ZNF227: variants seen among roughly 807,000 people sequenced by gnomAD.
The protein encoded by ZNF227 is zinc finger protein 227.
A neutral mutation model predicts 13.2 loss-of-function variants in ZNF227; 12 were observed. The ratio of observed to expected loss-of-function variants is 0.91; its 90% CI spans 0.58 to 1.47. ZNF227 has a LOEUF of 1.47. ZNF227 is among the 40% of genes most tolerant of loss of function. ZNF227 has a pLI of 0.00. For missense variants in ZNF227, 885 were observed against 967.5 expected (o/e 0.91, Z 1.13); for synonymous variants, 338 against 326.0 (o/e 1.04, Z -0.40).
chr19:44,236,094 AG>A lies in ZNF227; in HGVS notation c.1666del (p.Asp556ThrfsTer13). 6.2e-7 allele frequency: 1 copy of A among 1,614,138 alleles called. No homozygotes were observed. The highest frequency in any genetic ancestry group is 8.5e-7 in the Non-Finnish European group (1 of 1,180,006). ...EKPYRCDVCG[K>X]DFSYSSNLKL... ...CCATATAGATGTGATGTGTGTGGTA[AG>A]GACTTCAGTTATAGTTCAAATCTTA... is the stretch of plus-strand genomic sequence containing the variant. On this transcript the variant is annotated frameshift_variant, in exon 6 of 6. Coordinates refer to ENST00000313040, the MANE Select transcript of ZNF227 (RefSeq NM_182490.3). LOFTEE classifies it low-confidence loss of function (END_TRUNC).
In ZNF227 at chr19:44,228,484, C is replaced by T; in HGVS notation, c.99C>T (p.Ser33=). Residue 33 remains serine, a synonymous_variant, in exon 4 of 6, where the codon TCC becomes TCT. Transcript: ENST00000313040. ...TCAAGGATGTGGCTGTGGTCTTCTCCAGGGAGGAACTGCGACTGCTCGATC... is the reference window on the plus strand; with the variant it reads ...TCAAGGATGTGGCTGTGGTCTTCTCTAGGGAGGAACTGCGACTGCTCGATC... ...VTFKDVAVVF[S]REELRLLDLT... is the part of the protein sequence containing the mutation. The T allele has an allele frequency of 2.5e-6, 4 of 1,613,468 alleles. No individual in the cohort carries two copies. The highest frequency in any genetic ancestry group is 1.1e-5 in the South Asian group (1 of 91,018).
At chr19:44,230,951 A>ATATATATATATATATATATCTATCTATC (rs1244386357) in intron 5 of ZNF227, among the ~76,000 whole-genome samples, 1 of 132,728 alleles carries the variant, frequency 7.5e-6, no homozygotes, top group African/African-American at 3.2e-5. Context: ...ATATATATAT[A>ATATATATATATATATATATCTATCTATC]TATCTTAGCC....
At chr19:44,209,908 A>T (rs1173661406), upstream of ZNF227, among the ~76,000 whole-genome samples, 1 of 152,110 alleles carries the variant, frequency 6.6e-6, no homozygotes, top group Non-Finnish European at 1.5e-5. Context: ...TTTAGATCTG[A>T]TCTGTTTCTC....
chr19:44,226,368 C>A (rs1973161487), intron 3 of ZNF227, among the ~76,000 whole-genome samples: 2 of 152,230 alleles, frequency 1.3e-5, no homozygotes, highest in South Asian at 4.1e-4. Flanking sequence ...TTGTGCCCTG[C>A]CCCTAGAGGT....
intron 2 of ZNF227, 120 bp downstream of exon 2, chr19:44,213,364 G>A (rs1179584912): frequency 6.6e-6 from 1 of 152,222 alleles, no homozygotes; most frequent in Non-Finnish European, 1.5e-5. Context: ...AAATGTGAGA[G>A]TGGGTAGGAA....
rs567924068 is a variant in ZNF227, at chr19:44,224,799, G to C, written c.61-3647G>C. On this transcript the variant is annotated intron_variant, in intron 3 of 5. Transcript: ENST00000313040. ...GTTAATATTGTTATGTGTGAATTTT[G>C]TCCTGTCATTTTGATGTTAGCTGGT... Among the ~76,000 whole-genome samples, 79 of 152,208 alleles carry C rather than the reference G, an allele frequency of 5.2e-4. 1 individual carries two copies. Among genetic ancestry groups the C allele is most frequent in the African/African-American group, 1.7e-3 (72 of 41,538 alleles).
intron 3 of ZNF227, among the ~76,000 whole-genome samples, chr19:44,225,310 GGCCT>G (rs1973000355): frequency 6.6e-6 from 1 of 151,944 alleles, no homozygotes; most frequent in Non-Finnish European, 1.5e-5. Flanking sequence ...TCTGAATGTT[GGCCT>G]GCCTTGCTAG....
At chr19:44,219,529 C>T (rs999171011) in intron 3 of ZNF227, among the ~76,000 whole-genome samples, 2 of 151,986 alleles carry the variant, frequency 1.3e-5, no homozygotes, top group African/African-American at 4.8e-5. Flanking sequence ...AAAAACTTCA[C>T]TAATAATTTA....
chr19:44,230,730 T>C (rs188760022), intron 5 of ZNF227, among the ~76,000 whole-genome samples: 1 of 151,538 alleles, frequency 6.6e-6, no homozygotes, highest in East Asian at 1.9e-4. Context: ...TTTCTCTCCT[T>C]CTTTGCTTTC....
Position 44,235,957 on chromosome 19 carries a change from C to T in ZNF227, c.1527C>T (p.Val509=). Residue 509 remains valine, a synonymous_variant, in exon 6 of 6, where the codon GTC becomes GTT. Coordinates refer to ENST00000313040, the MANE Select transcript of ZNF227 (RefSeq NM_182490.3). ...TCAGTCAGGCTTCAAATCTTCAAGT[C>T]CATCAGAATGTCCACACTGGGGAGA... ...KGFSQASNLQ[V]HQNVHTGEKR... 2 of 1,613,564 alleles carry T rather than the reference C, an allele frequency of 1.2e-6. No homozygotes were observed. The highest frequency in any genetic ancestry group is 8.5e-7 in the Non-Finnish European group (1 of 1,179,920).
chr19:44,217,957 C>A, intron 3 of ZNF227, 105 bp downstream of exon 3: 1 of 1,315,252 alleles, frequency 7.6e-7, no homozygotes, highest in Non-Finnish European at 1.1e-6. Context: ...AACAGATATT[C>A]AGGACATGTG....
intron 2 of ZNF227, among the ~76,000 whole-genome samples, chr19:44,214,195 A>T (rs1173637139): frequency 6.6e-6 from 1 of 152,096 alleles, no homozygotes; most frequent in Non-Finnish European, 1.5e-5. Flanking sequence ...AAAATTATTT[A>T]TGTGTCTCAG....
At chr19:44,231,206 C>T (rs1300741577) in intron 5 of ZNF227, among the ~76,000 whole-genome samples, 1 of 151,824 alleles carries the variant, frequency 6.6e-6, no homozygotes, top group Non-Finnish European at 1.5e-5. Flanking sequence ...CCTCTGCCTC[C>T]CGGGTTCAAG....
intron 2 of ZNF227, among the ~76,000 whole-genome samples, chr19:44,214,637 C>T (rs969878667): frequency 6.6e-6 from 1 of 152,184 alleles, no homozygotes; most frequent in Non-Finnish European, 1.5e-5. Flanking sequence ...CTCGGCCTCC[C>T]AAAGTGCTGG....
At chr19:44,225,796 A>G (rs1973070423) in intron 3 of ZNF227, among the ~76,000 whole-genome samples, 1 of 152,116 alleles carries the variant, frequency 6.6e-6, no homozygotes, top group Non-Finnish European at 1.5e-5. Context: ...GCTTTGTTCC[A>G]TTGCTGGTGA....
At chr19:44,214,435 G>A (rs561748182) in intron 2 of ZNF227, among the ~76,000 whole-genome samples, 78 of 151,472 alleles carry the variant, frequency 5.1e-4, no homozygotes, top group African/African-American at 1.7e-3. Flanking sequence ...CTGGAGTGCA[G>A]TGGCGTGATC....
rs1974587893 is a variant in ZNF227 at position 44,237,096 on chromosome 19, G to A, written c.*266G>A. 1 of 336,016 alleles carries A rather than the reference G, an allele frequency of 3.0e-6. No homozygotes were observed. The highest frequency in any genetic ancestry group is 5.4e-6 in the Non-Finnish European group (1 of 185,332). The allele number at this position is 336,016 out of a possible 1,614,324, so 20.8% of individuals were successfully genotyped here. ...CACCTTTCATTGTGAATATATGCCT[G>A]AAGATAATGTGTGGAAGGATATTTG... On this transcript the variant is annotated 3_prime_UTR_variant, in exon 6 of 6. Coordinates refer to ENST00000313040, the MANE Select transcript of ZNF227 (RefSeq NM_182490.3).
chr19:44,236,085 T>C lies in ZNF227; in HGVS notation c.1655T>C (p.Val552Ala). ...GGAGAGAAACCATATAGATGTGATGTGTGTGGTAAGGACTTCAGTTATAGT... is the reference window on the plus strand; with the variant it reads ...GGAGAGAAACCATATAGATGTGATGCGTGTGGTAAGGACTTCAGTTATAGT... Reference protein sequence around the residue: ...HTGEKPYRCDVCGKDFSYSSN... With the variant: ...HTGEKPYRCDACGKDFSYSSN... The change falls in exon 6 of 6, where the codon GTG becomes GCG. Residue 552 changes from valine to alanine, a missense_variant. Val to Ala is a moderately conservative substitution (Grantham distance 64, BLOSUM62 0). Coordinates refer to ENST00000313040, the MANE Select transcript of ZNF227 (RefSeq NM_182490.3). The C allele has an allele frequency of 1.2e-6, 2 of 1,613,880 alleles. No homozygotes were observed. The highest frequency in any genetic ancestry group is 1.7e-6 in the Non-Finnish European group (2 of 1,179,944).
intron 2 of ZNF227, among the ~76,000 whole-genome samples, chr19:44,214,980 G>A (rs1347786072): frequency 1.3e-5 from 2 of 151,956 alleles, no homozygotes; most frequent in African/African-American, 4.8e-5. Context: ...GACTGCACAT[G>A]TGAAGGATCT....
Sources: allele counts gnomAD v4.1 joint callset (sites outside exome capture counted in the v4.1 genomes callset), GRCh38; gene constraint gnomAD v4.1.1; transcripts MANE v1.5; gene names NCBI Gene and HGNC (gene_info 2026-07-23, HGNC 2026-07-21).